The following CLEC20A variants were observed in gnomAD, a reference collection of about 807,000 sequenced individuals.
CLEC20A encodes C-type lectin domain containing 20A.
At chr1:178,488,073 G>A (rs1031181826) in intron 5 of CLEC20A, among the ~76,000 whole-genome samples, 3 of 152,178 alleles carry the variant, frequency 2.0e-5, no homozygotes, top group South Asian at 2.1e-4. Context: ...CTGCAATTCC[G>A]AGGGACTTTG....
intron 6 of CLEC20A, chr1:178,482,752 C>A: frequency 4.6e-6 from 1 of 217,944 alleles, no homozygotes; most frequent in East Asian, 9.8e-5. Flanking sequence ...AGCTCCCCAC[C>A]ACAGAAAATT....
intron 5 of CLEC20A, chr1:178,483,590 C>A (rs1649049716): frequency 4.7e-6 from 1 of 213,410 alleles, no homozygotes. Flanking sequence ...TGTTCAGTAG[C>A]CTGTGCTCCA....
intron 5 of CLEC20A, among the ~76,000 whole-genome samples, chr1:178,486,269 C>CCAG (rs1479460581): frequency 6.6e-5 from 10 of 152,148 alleles, no homozygotes; most frequent in Non-Finnish European, 1.2e-4. Context: ...AGACTGTGGC[C>CCAG]CAGCACACAA....
chr1:178,498,071 T>C (rs976397497), upstream of CLEC20A, among the ~76,000 whole-genome samples: 3 of 152,030 alleles, frequency 2.0e-5, no homozygotes, highest in Admixed American at 2.0e-4. Context: ...GGGCTGTCAT[T>C]TTCACTGGCT....
intron 5 of CLEC20A, among the ~76,000 whole-genome samples, chr1:178,485,543 T>A (rs1448474713): frequency 2.0e-5 from 3 of 152,202 alleles, no homozygotes; most frequent in Admixed American, 2.0e-4. Context: ...ATTACCACCT[T>A]CCAGGCAGAA....
intron 5 of CLEC20A, among the ~76,000 whole-genome samples, chr1:178,485,678 C>A (rs894770083): frequency 1.3e-5 from 2 of 152,182 alleles, no homozygotes; most frequent in Admixed American, 1.3e-4. Flanking sequence ...GGAAACAGCC[C>A]TGCTCATCTT....
intron 2 of CLEC20A, chr1:178,493,777 G>C (rs776975137): frequency 3.9e-5 from 6 of 152,268 alleles, no homozygotes; most frequent in Non-Finnish European, 8.8e-5. Context: ...ATGAGAAGAA[G>C]ACAGTGAATT....
chr1:178,495,366 C>G (rs1407477103), intron 1 of CLEC20A, among the ~76,000 whole-genome samples: 1 of 152,242 alleles, frequency 6.6e-6, no homozygotes, highest in Non-Finnish European at 1.5e-5. Flanking sequence ...GCTCCAGGCC[C>G]ATATCCATGG....
chr1:178,487,403 G>A (rs965785114), intron 5 of CLEC20A, among the ~76,000 whole-genome samples: 6 of 152,158 alleles, frequency 3.9e-5, no homozygotes, highest in African/African-American at 1.4e-4. Flanking sequence ...GGGCCCGGCC[G>A]GCAGGATCTG....
intron 2 of CLEC20A, 22 bp from the exon 3 acceptor site, chr1:178,492,588 C>G (rs567908198): frequency 2.3e-5 from 9 of 398,404 alleles, no homozygotes; most frequent in Non-Finnish European, 3.1e-5. Context: ...AAACAGACCA[C>G]GAGTTATGGG....
exon 4 of CLEC20A, chr1:178,490,355 G>T: frequency 2.5e-6 from 1 of 398,672 alleles, no homozygotes; most frequent in Non-Finnish European, 4.4e-6. Flanking sequence ...CCGTGTGGTG[G>T]CTGCGGCAGT....
At chr1:178,487,410 T>A (rs976945410) in intron 5 of CLEC20A, among the ~76,000 whole-genome samples, 2 of 152,142 alleles carry the variant, frequency 1.3e-5, no homozygotes, top group Non-Finnish European at 2.9e-5. Flanking sequence ...GCCGGCAGGA[T>A]CTGGGCTCCC....
upstream of CLEC20A, chr1:178,499,536 C>G (rs1327367715): frequency 1.3e-5 from 2 of 152,206 alleles, no homozygotes; most frequent in African/African-American, 4.8e-5. Flanking sequence ...CAACATACAT[C>G]GTTCTCCCGT....
intron 5 of CLEC20A, among the ~76,000 whole-genome samples, chr1:178,487,432 C>T (rs917086232): frequency 1.2e-4 from 18 of 152,202 alleles, no homozygotes; most frequent in Admixed American, 1.0e-3. Flanking sequence ...CACTCTCCAG[C>T]GCTGACTGTC....
At chr1:178,486,319 T>C (rs937040843) in intron 5 of CLEC20A, 1 of 397,596 alleles carries the variant, frequency 2.5e-6, no homozygotes, top group African/African-American at 2.1e-5. Context: ...CTCAACTCCC[T>C]GGCCTGCACC....
intron 2 of CLEC20A, among the ~76,000 whole-genome samples, chr1:178,492,830 G>C (rs977506400): frequency 2.6e-5 from 4 of 152,204 alleles, no homozygotes; most frequent in African/African-American, 9.7e-5. Context: ...ATCTTGTAGA[G>C]AGCTGGGAGG....
chr1:178,485,728 A>G (rs1396703764), intron 5 of CLEC20A, among the ~76,000 whole-genome samples: 2 of 152,196 alleles, frequency 1.3e-5, no homozygotes, highest in Non-Finnish European at 2.9e-5. Context: ...ACAAGTACTC[A>G]GGAAATTATC....
intron 5 of CLEC20A, among the ~76,000 whole-genome samples, chr1:178,485,618 G>A (rs942612825): frequency 1.3e-5 from 2 of 152,162 alleles, no homozygotes; most frequent in Non-Finnish European, 2.9e-5. Flanking sequence ...TTTCCAAACC[G>A]TCCTGACTGT....
intron 5 of CLEC20A, chr1:178,486,605 G>C: frequency 1.0e-5 from 4 of 398,666 alleles, no homozygotes; most frequent in Non-Finnish European, 1.3e-5. Flanking sequence ...TGGGAGCCGA[G>C]GCCCCGGCTG....
Sources: allele counts gnomAD v4.1 joint callset (sites outside exome capture counted in the v4.1 genomes callset), GRCh38; gene constraint gnomAD v4.1.1; transcripts MANE v1.5; gene names NCBI Gene and HGNC (gene_info 2026-07-23, HGNC 2026-07-21).